ROCK2: variants seen among roughly 807,000 people sequenced by gnomAD.
The protein encoded by ROCK2 is rho-associated protein kinase 2.
In ROCK2, 61 loss-of-function variants were observed where a neutral mutation model predicts 195.1. The observed-to-expected ratio is 0.31, with a 90% confidence interval of 0.25 to 0.39. The LOEUF is 0.39. Among genes scored for constraint, ROCK2 ranks in the 10% least tolerant of loss-of-function variants. The probability of loss-of-function intolerance (pLI) is 1.00; values close to 1 mark genes in which losing one functional copy is unlikely to be tolerated. For synonymous variants in ROCK2, 504 were observed against 545.5 expected, an observed-to-expected ratio of 0.92 and a Z score of 1.06; for missense variants, 1,109 against 1,637.4, an observed-to-expected ratio of 0.68 and a Z score of 5.57.
chr2:11,260,648 A>G (rs748144006), intron 3 of ROCK2, among the ~76,000 whole-genome samples: 4 of 152,188 alleles, frequency 2.6e-5, no homozygotes, highest in Admixed American at 6.5e-5. Context: ...GACTCAGAAC[A>G]TGACAAGAAC....
At chr2:11,345,033 C>T (rs2148288330), upstream of ROCK2, among the ~76,000 whole-genome samples, 2 of 151,796 alleles carry the variant, frequency 1.3e-5, no homozygotes, top group Middle Eastern at 3.4e-3. Flanking sequence ...CGGCCGCGCC[C>T]CCCGCCGCGG....
chr2:11,344,475 C>A lies in ROCK2; in HGVS notation c.-339G>T. 6 of 999,986 alleles carry A rather than the reference C, an allele frequency of 6.0e-6. No individual in the cohort carries two copies. Among genetic ancestry groups the A allele is most frequent in the Middle Eastern group, 9.8e-4 (2 of 2,034 alleles). The allele number at this position is 999,986 out of a possible 1,614,324, so 61.9% of individuals were successfully genotyped here. A position where few individuals can be genotyped will look rare whatever the true frequency, so the allele number is the denominator to read the frequency against. The stretch of plus-strand genomic sequence containing the variant: ...CGGGAGCAGGGAAGTGGCGCCGCCA[C>A]CGCCGCGGCCCGGACCGCCCCGCCC... On this transcript the variant is annotated 5_prime_UTR_variant, in exon 1 of 33. Transcript: ENST00000315872. This position sits in a 1 kb window ranked among gnomAD's most constrained non-coding sequence, Gnocchi z 5.4.
intron 1 of ROCK2, among the ~76,000 whole-genome samples, chr2:11,309,276 G>A (rs769424065): frequency 2.0e-5 from 3 of 152,002 alleles, no homozygotes; most frequent in Non-Finnish European, 4.4e-5. Flanking sequence ...ATGGGCACAC[G>A]TTATATGAAA....
intron 1 of ROCK2, chr2:11,308,760 A>G (rs1460462963): frequency 1.2e-6 from 2 of 1,612,774 alleles, no homozygotes; most frequent in African/African-American, 1.3e-5. Context: ...AAACACTACA[A>G]GCCTAAAAAA....
At chr2:11,183,513 C>G in intron 32 of ROCK2, 73 bp from the exon 33 acceptor site, 1 of 1,124,202 alleles carries the variant, frequency 8.9e-7, no homozygotes, top group Non-Finnish European at 1.3e-6. Context: ...CTAGAAAAAG[C>G]ATTCCATTCA....
chr2:11,248,735 A>AAAAAAAAAAAG (rs1665718986), intron 4 of ROCK2, among the ~76,000 whole-genome samples: 3 of 139,584 alleles, frequency 2.1e-5, no homozygotes, highest in East Asian at 2.1e-4. Context: ...AAAAAAAAAA[A>AAAAAAAAAAAG]AAAGAAAGAA....
At chr2:11,259,784 G>A (rs1257671786) in intron 3 of ROCK2, among the ~76,000 whole-genome samples, 1 of 151,238 alleles carries the variant, frequency 6.6e-6, no homozygotes, top group Non-Finnish European at 1.5e-5. Flanking sequence ...GAAATTTGAA[G>A]GATTGATATA....
At chr2:11,320,611 T>A (rs1668371477) in intron 1 of ROCK2, among the ~76,000 whole-genome samples, 1 of 152,212 alleles carries the variant, frequency 6.6e-6, no homozygotes, top group South Asian at 2.1e-4. Flanking sequence ...ATTTAATGCT[T>A]AGGGAGTTAA....
At position 11,192,807 on chromosome 2, in the gene ROCK2, A is replaced by G. The variant is rs1233172229; in HGVS notation, c.3688-95T>C. 11 of 1,333,284 alleles carry G rather than the reference A, an allele frequency of 8.3e-6. No homozygotes were observed. Among genetic ancestry groups the G allele is most frequent in the Non-Finnish European group, 1.1e-5 (11 of 991,502 alleles). 82.6% of individuals were successfully genotyped at this position (1,333,284 alleles called of 1,614,324 possible). A position where few individuals can be genotyped will look rare whatever the true frequency, so the allele number is the denominator to read the frequency against. On this transcript the variant is annotated intron_variant, in intron 30 of 32. Coordinates refer to ENST00000315872, the MANE Select transcript of ROCK2 (RefSeq NM_004850.5). The surrounding 1 kb of genome is among the most constrained non-coding windows in gnomAD (Gnocchi z 5.0). ...AGTGTAAGTAAAATAAAATTAGCCTAAATTATTCAAAGAGAAGAAAATGTA... is the reference window on the plus strand; with the variant it reads ...AGTGTAAGTAAAATAAAATTAGCCTGAATTATTCAAAGAGAAGAAAATGTA...
intron 23 of ROCK2, 152 bp downstream of exon 23, chr2:11,200,805 A>G (rs1663824219): frequency 1.7e-6 from 1 of 578,852 alleles, no homozygotes; most frequent in Non-Finnish European, 2.8e-6. Flanking sequence ...TCCTCTGACA[A>G]CATTGAGAAG....
At chr2:11,220,724 C>T (rs1404624038) in intron 9 of ROCK2, among the ~76,000 whole-genome samples, 1 of 152,154 alleles carries the variant, frequency 6.6e-6, no homozygotes, top group Non-Finnish European at 1.5e-5. Context: ...AACCTCCCCA[C>T]ATTTCAGCCA....
At chr2:11,277,810 G>C (rs140981643) in intron 3 of ROCK2, among the ~76,000 whole-genome samples, 1 of 152,070 alleles carries the variant, frequency 6.6e-6, no homozygotes, top group Non-Finnish European at 1.5e-5. Context: ...TATCTTTTTC[G>C]TATGACTTCT....
intron 3 of ROCK2, among the ~76,000 whole-genome samples, chr2:11,251,270 T>C (rs566495832): frequency 2.6e-5 from 4 of 152,380 alleles, no homozygotes; most frequent in African/African-American, 9.6e-5. Context: ...TTTGGTTCAA[T>C]GTTTAATCCC....
chr2:11,238,589 G>A (rs774847963), intron 4 of ROCK2, among the ~76,000 whole-genome samples: 6 of 152,036 alleles, frequency 3.9e-5, no homozygotes, highest in African/African-American at 7.2e-5. Flanking sequence ...GGCTCACGCC[G>A]GTAATCCCAA....
intron 1 of ROCK2, among the ~76,000 whole-genome samples, chr2:11,340,894 A>G (rs1273334965): frequency 6.6e-6 from 1 of 152,216 alleles, no homozygotes; most frequent in African/African-American, 2.4e-5. Context: ...ACTCTTTGAA[A>G]GAGTAAAATA....
chr2:11,202,998 T>G (rs1197178851), intron 20 of ROCK2, among the ~76,000 whole-genome samples: 1 of 152,124 alleles, frequency 6.6e-6, no homozygotes, highest in Non-Finnish European at 1.5e-5. Context: ...AGGCGAGAAG[T>G]GCTGGCTTTA....
At chr2:11,343,143 T>C (rs1669158309) in intron 1 of ROCK2, among the ~76,000 whole-genome samples, 1 of 152,108 alleles carries the variant, frequency 6.6e-6, no homozygotes, top group African/African-American at 2.4e-5. Flanking sequence ...AGGGTAAAAG[T>C]CCACACCCCC....
chr2:11,320,919 A>G (rs1167076579), intron 1 of ROCK2, among the ~76,000 whole-genome samples: 1 of 152,234 alleles, frequency 6.6e-6, no homozygotes, highest in East Asian at 1.9e-4. Context: ...GGAGGTGTAC[A>G]GAGAAAGAAC....
At position 11,198,491 on chromosome 2, in the gene ROCK2, T is replaced by C. The variant is rs1462267430; in HGVS notation, c.3099A>G (p.Gln1033=). ...CATATTTAGATTCTATTATACATAC[T>C]TGAGTTTTGAGTGTTCTTTCTGTTA... ...QLLTERTLKT[Q]AVNKLAEIMN... Residue 1033 remains glutamine, a splice_region_variant and synonymous_variant, in exon 25 of 33, where the codon CAA becomes CAG. Transcript: ENST00000315872. 2 of 1,586,470 alleles carry C rather than the reference T, an allele frequency of 1.3e-6. No individual in the cohort carries two copies. Among genetic ancestry groups the C allele is most frequent in the South Asian group, 2.2e-5 (2 of 90,328 alleles).
Sources: allele counts gnomAD v4.1 joint callset (sites outside exome capture counted in the v4.1 genomes callset), GRCh38; gene constraint gnomAD v4.1.1; non-coding constraint Gnocchi (gnomAD v3.1); transcripts MANE v1.5; gene names NCBI Gene and HGNC (gene_info 2026-07-23, HGNC 2026-07-21).